The following PAPPA2 variants were observed in gnomAD, a reference collection of about 807,000 sequenced individuals.
The protein encoded by PAPPA2 is pappalysin 2.
A neutral mutation model predicts 176.4 loss-of-function variants in PAPPA2; 86 were observed. The ratio of observed to expected loss-of-function variants is 0.49; its 90% CI spans 0.41 to 0.58. The LOEUF is 0.58. Among genes scored for constraint, PAPPA2 ranks in the 20% least tolerant of loss-of-function variants. The pLI is 0.00. For missense variants in PAPPA2, 2,073 were observed against 2,256.9 expected (o/e 0.92, Z 1.65); for synonymous variants, 809 against 852.2 (o/e 0.95, Z 0.88).
intron 2 of PAPPA2, among the ~76,000 whole-genome samples, chr1:176,568,555 C>T (rs1178143056): frequency 6.6e-6 from 1 of 152,164 alleles, no homozygotes; most frequent in African/African-American, 2.4e-5. Flanking sequence ...ATCTCAGGAG[C>T]AGTGAGGAGT....
intron 21 of PAPPA2, among the ~76,000 whole-genome samples, chr1:176,806,875 T>C (rs1445944109): frequency 1.3e-5 from 2 of 152,208 alleles, no homozygotes; most frequent in African/African-American, 4.8e-5. Flanking sequence ...CCTTCTCTTA[T>C]AGGGCCTCTT....
chr1:176,496,654 C>A (rs1166815381), intron 1 of PAPPA2, among the ~76,000 whole-genome samples: 1 of 152,168 alleles, frequency 6.6e-6, no homozygotes, highest in African/African-American at 2.4e-5. Flanking sequence ...ATGAAGTCAT[C>A]TCAGAGATGT....
At chr1:176,686,184 G>T (rs1026283586) in intron 4 of PAPPA2, among the ~76,000 whole-genome samples, 1 of 152,148 alleles carries the variant, frequency 6.6e-6, no homozygotes, top group African/African-American at 2.4e-5. Flanking sequence ...CTGCTTTGAA[G>T]AAATACCTGA....
At chr1:176,770,123 A>G (rs1664157060) in intron 16 of PAPPA2, among the ~76,000 whole-genome samples, 1 of 152,188 alleles carries the variant, frequency 6.6e-6, no homozygotes, top group South Asian at 2.1e-4. Flanking sequence ...TTAAAATTTA[A>G]TATTTACAGC....
chr1:176,586,280 AT>A (rs1428552381), intron 2 of PAPPA2, among the ~76,000 whole-genome samples: 1 of 152,156 alleles, frequency 6.6e-6, no homozygotes, highest in East Asian at 1.9e-4. Flanking sequence ...ATACAATTCT[AT>A]TTTTTTGGCA....
chr1:176,799,975 C>T (rs553917305), intron 20 of PAPPA2, 86 bp from the exon 21 acceptor site: 2 of 1,360,044 alleles, frequency 1.5e-6, no homozygotes, highest in East Asian at 2.3e-5. Context: ...GAGTTGGACT[C>T]CTGTGGTGAG....
intron 6 of PAPPA2, among the ~76,000 whole-genome samples, chr1:176,692,618 G>T (rs1038042120): frequency 2.6e-5 from 4 of 152,224 alleles, no homozygotes; most frequent in Admixed American, 2.6e-4. Context: ...ATTTGTCTCT[G>T]TCAGCTGTTC....
At chr1:176,588,412 T>C (rs962591662) in intron 2 of PAPPA2, among the ~76,000 whole-genome samples, 3 of 152,204 alleles carry the variant, frequency 2.0e-5, no homozygotes, top group African/African-American at 7.2e-5. Context: ...TTCTATCTCT[T>C]GCCTGATTGC....
chr1:176,814,362 A>G (rs1361230784), intron 21 of PAPPA2, among the ~76,000 whole-genome samples: 1 of 152,164 alleles, frequency 6.6e-6, no homozygotes, highest in East Asian at 1.9e-4. Context: ...TGAATCTATG[A>G]ATTACGTTGG....
intron 1 of PAPPA2, among the ~76,000 whole-genome samples, chr1:176,524,403 A>G (rs1468801302): frequency 6.6e-6 from 1 of 152,214 alleles, no homozygotes; most frequent in Non-Finnish European, 1.5e-5. Flanking sequence ...TGAGTAGCAC[A>G]TTTTAATGAA....
chr1:176,683,034 A>G (rs1460818824), intron 4 of PAPPA2, among the ~76,000 whole-genome samples: 1 of 150,366 alleles, frequency 6.7e-6, no homozygotes, highest in Non-Finnish European at 1.5e-5. Context: ...TTATTTATTT[A>G]TTTATTTATT....
intron 1 of PAPPA2, among the ~76,000 whole-genome samples, chr1:176,465,596 C>T (rs1287562551): frequency 6.7e-6 from 1 of 149,886 alleles, no homozygotes; most frequent in Admixed American, 6.6e-5. Flanking sequence ...TTTATTGTTT[C>T]TTTTCTACTG....
chr1:176,811,074 T>C (rs530181523), intron 21 of PAPPA2, among the ~76,000 whole-genome samples: 5 of 152,322 alleles, frequency 3.3e-5, no homozygotes, highest in Admixed American at 2.6e-4. Context: ...TCTTAATAAA[T>C]GTCAAGGCTT....
At chr1:176,686,559 G>A (rs776716407) in intron 4 of PAPPA2, among the ~76,000 whole-genome samples, 5 of 152,114 alleles carry the variant, frequency 3.3e-5, no homozygotes, top group Non-Finnish European at 5.9e-5. Context: ...AAAGGTTGGC[G>A]AATCTGGGTC....
intron 1 of PAPPA2, among the ~76,000 whole-genome samples, chr1:176,507,436 G>A (rs1339565151): frequency 3.3e-5 from 5 of 152,102 alleles, no homozygotes; most frequent in Non-Finnish European, 7.4e-5. Context: ...TCATTACTGG[G>A]TATATACCTA....
Position 176,595,317 on chromosome 1 carries a change from G to C in PAPPA2, c.1713G>C (p.Gln571His). The C allele has an allele frequency of 6.2e-7, 1 of 1,614,190 alleles. No individual in the cohort carries two copies. The highest frequency in any genetic ancestry group is 1.1e-5 in the South Asian group (1 of 91,086). The change falls in exon 3 of 23, where the codon CAG becomes CAC. Residue 571 changes from glutamine (Q) to histidine (H), a missense_variant. Physicochemically the swap from Gln to His is conservative, Grantham distance 24. Around this residue, in one of 4 missense-constraint regions of PAPPA2, gnomAD observed 1,196 missense variants for 1,330.4 expected, o/e 0.90. Transcript: ENST00000367662. ...YNISWQLSVH[Q>H]VHNSTLRHRV... is the part of the protein sequence containing the mutation. ...TCAGCTGGCAGCTGAGCGTCCACCA[G>C]GTCCACAATTCCACCCTGCGACACC...
intron 1 of PAPPA2, among the ~76,000 whole-genome samples, chr1:176,545,906 C>T (rs2102573207): frequency 6.6e-6 from 1 of 152,274 alleles, no homozygotes; most frequent in South Asian, 2.1e-4. Flanking sequence ...TCTTAATGCA[C>T]ACATGGGTCT....
chr1:176,623,659 CTTTCTTTCTTTT>C (rs1655772041), intron 3 of PAPPA2, among the ~76,000 whole-genome samples: 1 of 128,888 alleles, frequency 7.8e-6, no homozygotes, highest in Non-Finnish European at 1.7e-5. Context: ...TTCTTTCTTT[CTTTCTTTCTTTT>C]TCTTTCTTTC....
intron 2 of PAPPA2, among the ~76,000 whole-genome samples, chr1:176,586,333 CA>C (rs200733355): frequency 9.3e-5 from 14 of 150,230 alleles, no homozygotes; most frequent in Admixed American, 2.6e-4. Context: ...TATTTTTCTT[CA>C]AAAAAAAATA....
Sources: allele counts gnomAD v4.1 joint callset (sites outside exome capture counted in the v4.1 genomes callset), GRCh38; gene constraint gnomAD v4.1.1; regional missense constraint gnomAD v4.1.1; transcripts MANE v1.5; gene names NCBI Gene and HGNC (gene_info 2026-07-23, HGNC 2026-07-21).